Variants in MYO5A observed in about 807,000 individuals in gnomAD.
MYO5A encodes myosin VA, also known as unconventional myosin-Va.
MYO5A carries 98 observed loss-of-function variants against 249.7 expected under a neutral mutation model. The observed-to-expected ratio is 0.39, with a 90% CI of 0.33 to 0.46. The LOEUF is 0.46. MYO5A is among the 20% of genes least tolerant of loss of function. MYO5A has a pLI of 0.98. For synonymous variants in MYO5A, 778 were observed against 810.6 expected, an observed-to-expected ratio of 0.96 and a Z score of 0.68; for missense variants, 1,696 against 2,308.8, an observed-to-expected ratio of 0.73 and a Z score of 5.44.
At chr15:52,485,172 T>C (rs936246546) in intron 1 of MYO5A, among the ~76,000 whole-genome samples, 6 of 151,624 alleles carry the variant, frequency 4.0e-5, no homozygotes, top group African/African-American at 1.2e-4. Context: ...TCAACTAACT[T>C]CTTAATCCCT....
intron 31 of MYO5A, among the ~76,000 whole-genome samples, chr15:52,341,714 A>G (rs2039391555): frequency 1.5e-5 from 2 of 136,084 alleles, no homozygotes; most frequent in South Asian, 5.3e-4. Context: ...ATAACACCCC[A>G]AAGTTAATGA....
intron 16 of MYO5A, 47 bp from the exon 17 acceptor site, chr15:52,379,955 T>C (rs1281691395): frequency 8.8e-6 from 14 of 1,591,166 alleles, no homozygotes; most frequent in Non-Finnish European, 1.2e-5. Context: ...ACCTGGCTGG[T>C]GGCCACAAAT....
At chr15:52,483,520 A>G (rs1397933428) in intron 1 of MYO5A, among the ~76,000 whole-genome samples, 1 of 149,670 alleles carries the variant, frequency 6.7e-6, no homozygotes, top group Non-Finnish European at 1.5e-5. Flanking sequence ...TCAGCAATAT[A>G]TTTAAAAACA....
intron 1 of MYO5A, among the ~76,000 whole-genome samples, chr15:52,511,868 T>C (rs1343678336): frequency 6.6e-6 from 1 of 152,224 alleles, no homozygotes; most frequent in Admixed American, 6.5e-5. Context: ...TAGATTAATC[T>C]TAACATTGAT....
At chr15:52,360,830 G>A (rs934707971) in intron 24 of MYO5A, among the ~76,000 whole-genome samples, 6 of 152,150 alleles carry the variant, frequency 3.9e-5, no homozygotes, top group African/African-American at 1.4e-4. Flanking sequence ...CTTGAGGGAA[G>A]AAGGAATTAA....
chr15:52,367,624 TAAG>T (rs2040876146), intron 22 of MYO5A, among the ~76,000 whole-genome samples: 1 of 152,122 alleles, frequency 6.6e-6, no homozygotes, highest in Non-Finnish European at 1.5e-5. Flanking sequence ...TTAAGGAGGT[TAAG>T]AAGGATATGA....
intron 33 of MYO5A, among the ~76,000 whole-genome samples, chr15:52,337,001 G>C (rs1015787486): frequency 2.6e-5 from 4 of 152,176 alleles, no homozygotes; most frequent in African/African-American, 7.2e-5. Context: ...GTCTCTATGA[G>C]AGCCACCCTA....
At chr15:52,487,539 C>T (rs2076847703) in intron 1 of MYO5A, among the ~76,000 whole-genome samples, 1 of 152,018 alleles carries the variant, frequency 6.6e-6, no homozygotes, top group South Asian at 2.1e-4. Flanking sequence ...GCTTGGACCA[C>T]ATGGTGAAAC....
intron 1 of MYO5A, among the ~76,000 whole-genome samples, chr15:52,507,581 G>A (rs1427053758): frequency 1.3e-5 from 2 of 152,116 alleles, no homozygotes; most frequent in Non-Finnish European, 2.9e-5. Context: ...ACTTTGGGAG[G>A]CCAAGGCAGG....
chr15:52,322,532 C>T, intron 37 of MYO5A, among the ~76,000 whole-genome samples: 1 of 152,220 alleles, frequency 6.6e-6, no homozygotes, highest in East Asian at 1.9e-4. Flanking sequence ...ATCTGTAAAA[C>T]TGGACTATAA....
intron 18 of MYO5A, among the ~76,000 whole-genome samples, chr15:52,377,673 C>G (rs978670822): frequency 6.6e-6 from 1 of 150,392 alleles, no homozygotes; most frequent in East Asian, 2.0e-4. Context: ...TGGGTTCAAG[C>G]GACACTCCTG....
chr15:52,421,450 T>G (rs1039334011), intron 4 of MYO5A, among the ~76,000 whole-genome samples: 1 of 152,222 alleles, frequency 6.6e-6, no homozygotes, highest in African/African-American at 2.4e-5. Flanking sequence ...TTTTTCGAAG[T>G]GTTTTTGTGT....
chr15:52,465,883 A>G (rs1456673917), intron 1 of MYO5A, among the ~76,000 whole-genome samples: 1 of 152,168 alleles, frequency 6.6e-6, no homozygotes, highest in Non-Finnish European at 1.5e-5. Context: ...TCCAACAGAA[A>G]AGCAAAAAGA....
chr15:52,392,247 G>A (rs141688370), intron 11 of MYO5A, among the ~76,000 whole-genome samples, 177 bp from the exon 12 acceptor site: 6 of 152,288 alleles, frequency 3.9e-5, no homozygotes, highest in East Asian at 3.9e-4. Context: ...CCTCAGCTAC[G>A]TAGGATTCTT....
intron 1 of MYO5A, among the ~76,000 whole-genome samples, chr15:52,467,252 A>C (rs2076371594): frequency 6.6e-6 from 1 of 152,276 alleles, no homozygotes; most frequent in East Asian, 1.9e-4. Context: ...ATGAGATGCA[A>C]GAGAAATCTG....
At chr15:52,313,903 A>G in intron 41 of MYO5A, 55 bp from the exon 42 acceptor site, 1 of 1,588,672 alleles carries the variant, frequency 6.3e-7, no homozygotes, top group Non-Finnish European at 8.6e-7. Flanking sequence ...AATCTAAAAG[A>G]CTTTTTTCTA....
chr15:52,399,564 C>T (rs1444542896), intron 9 of MYO5A, among the ~76,000 whole-genome samples: 1 of 152,138 alleles, frequency 6.6e-6, no homozygotes, highest in Non-Finnish European at 1.5e-5. Flanking sequence ...TCCTAGCTAG[C>T]ATGTCTTTTC....
intron 20 of MYO5A, among the ~76,000 whole-genome samples, chr15:52,373,062 C>T (rs944430610): frequency 6.6e-6 from 1 of 151,712 alleles, no homozygotes; most frequent in African/African-American, 2.4e-5. Context: ...TAGCAAGGAT[C>T]CACTTTTGGG....
intron 24 of MYO5A, 55 bp from the exon 25 acceptor site, chr15:52,360,136 G>C (rs2040444488): frequency 2.5e-6 from 3 of 1,194,608 alleles, no homozygotes; most frequent in Non-Finnish European, 3.7e-6. Context: ...TCTAGGCATA[G>C]TTAAGACAGC....
Sources: gnomAD v4.1 joint callset for allele counts (sites outside exome capture counted in the v4.1 genomes callset) on GRCh38, gnomAD v4.1.1 for gene constraint, MANE v1.5 for transcripts, NCBI Gene and HGNC (gene_info 2026-07-23, HGNC 2026-07-21) for gene names.